CTBP2: variants seen among roughly 807,000 people sequenced by gnomAD.
CTBP2 encodes C-terminal binding protein 2, also known as C-terminal-binding protein 2.
A neutral mutation model predicts 80.3 loss-of-function variants in CTBP2; 30 were observed. The ratio of observed to expected loss-of-function variants is 0.37; its 90% confidence interval spans 0.28 to 0.51. The LOEUF (loss-of-function observed/expected upper bound fraction) is 0.51. CTBP2 is among the 20% of genes least tolerant of loss of function. CTBP2 has a pLI of 0.93. For missense variants in CTBP2, 1,212 were observed against 1,375.3 expected (o/e 0.88, Z 1.88); for synonymous variants, 594 against 587.4 (o/e 1.01, Z -0.16).
At chr10:125,132,837 G>A (rs542369341) in intron 1 of CTBP2, among the ~76,000 whole-genome samples, 45 of 152,320 alleles carry the variant, frequency 3.0e-4, no homozygotes, top group African/African-American at 1.1e-3. Context: ...GTAAACAGCA[G>A]AGTGCTATTT....
In CTBP2 at chr10:124,989,355, C is replaced by T. The variant is rs796820536; in HGVS notation, c.*163G>A. 1.2e-6 allele frequency: 1 copy of T among 808,560 alleles called. No homozygotes were observed. The highest frequency in any genetic ancestry group is 2.1e-6 in the Non-Finnish European group (1 of 480,904). The allele number at this position is 808,560 out of a possible 1,614,324, so 50.1% of individuals were successfully genotyped here. A position where few individuals can be genotyped will look rare whatever the true frequency, so the allele number is the denominator to read the frequency against. On this transcript the variant is annotated 3_prime_UTR_variant, in exon 9 of 9. Transcript: ENST00000309035. ...CAGCGCTTCCGTAAGCAGACGACATCTTCAGTTTTCTAGCTCTTGTAGTTT... is the reference window on the plus strand; with the variant it reads ...CAGCGCTTCCGTAAGCAGACGACATTTTCAGTTTTCTAGCTCTTGTAGTTT...
At chr10:125,098,657 GGAGAGAGAGAGAGAGAGAGAGA>G (rs565818097) in intron 2 of CTBP2, among the ~76,000 whole-genome samples, 74 of 44,972 alleles carry the variant, frequency 1.6e-3, no homozygotes, top group African/African-American at 5.4e-3. Context: ...TGGGGGAGGG[GGAGAGAGAGAGAGAGAGAGAGA>G]GAGAGAGAGA....
intron 1 of CTBP2, among the ~76,000 whole-genome samples, chr10:125,114,475 A>G (rs1257707253): frequency 6.6e-6 from 1 of 152,066 alleles, no homozygotes; most frequent in Non-Finnish European, 1.5e-5. Context: ...TTCCACATAT[A>G]GGAAACTCAC....
Position 124,988,799 on chromosome 10 carries a change from C to T in CTBP2, c.*719G>A, listed in dbSNP as rs1319761656. 1.3e-5 allele frequency: 2 copies of T among 152,368 alleles called. No homozygotes were observed. The highest frequency in any genetic ancestry group is 2.1e-4 in the South Asian group (1 of 4,822). The allele number at this position is 152,368 out of a possible 1,614,324, so 9.4% of individuals were successfully genotyped here. On this transcript the variant is annotated 3_prime_UTR_variant, in exon 9 of 9. Coordinates refer to ENST00000309035, the MANE Select transcript of CTBP2 (RefSeq NM_022802.3). Reference sequence around the variant, plus strand: ...TTATTCTTCTTGAACCCTTTTAGCTCAAGACTTTCCACTCAATAAAATAGC... The same window carrying T: ...TTATTCTTCTTGAACCCTTTTAGCTTAAGACTTTCCACTCAATAAAATAGC...
intron 2 of CTBP2, among the ~76,000 whole-genome samples, chr10:125,049,042 C>CACAG (rs1295410852): frequency 3.3e-5 from 2 of 61,492 alleles, no homozygotes; most frequent in African/African-American, 1.4e-4. Context: ...CCCGCCTGAC[C>CACAG]ACAGACACAC....
intron 2 of CTBP2, among the ~76,000 whole-genome samples, chr10:125,078,606 T>C (rs527683242): frequency 1.1e-3 from 169 of 152,064 alleles, no homozygotes; most frequent in Non-Finnish European, 1.8e-3. Flanking sequence ...AAGTGCTGTT[T>C]TGAGTTGACA....
chr10:125,095,546 G>T (rs758623980), intron 2 of CTBP2, among the ~76,000 whole-genome samples: 15 of 152,198 alleles, frequency 9.9e-5, no homozygotes, highest in Admixed American at 7.2e-4. Flanking sequence ...GAAAAGACAA[G>T]AACAGCCACT....
intron 2 of CTBP2, among the ~76,000 whole-genome samples, chr10:125,083,327 C>T (rs1330577217): frequency 2.6e-5 from 4 of 152,282 alleles, no homozygotes; most frequent in Middle Eastern, 3.4e-3. Context: ...AAGAGTCTCC[C>T]TGTCGTGCCA....
At chr10:125,011,457 G>A (rs564299182) in intron 1 of CTBP2, among the ~76,000 whole-genome samples, 31 of 152,332 alleles carry the variant, frequency 2.0e-4, no homozygotes, top group African/African-American at 7.5e-4. Flanking sequence ...GCAGTCTGAT[G>A]CTCCCCAGAG....
At chr10:125,077,205 G>A (rs995102277) in intron 2 of CTBP2, among the ~76,000 whole-genome samples, 7 of 152,206 alleles carry the variant, frequency 4.6e-5, no homozygotes, top group Non-Finnish European at 7.3e-5. Context: ...GCTATTGTAA[G>A]CGGAAAACAA....
chr10:125,094,853 T>C (rs1460885975), intron 2 of CTBP2, among the ~76,000 whole-genome samples: 1 of 142,824 alleles, frequency 7.0e-6, no homozygotes, highest in East Asian at 2.1e-4. Flanking sequence ...CTGGGGCTGA[T>C]TACCGGCAAT....
At chr10:125,002,409 G>A (rs1954654114) in intron 3 of CTBP2, among the ~76,000 whole-genome samples, 5 of 152,228 alleles carry the variant, frequency 3.3e-5, no homozygotes, top group Admixed American at 3.3e-4. Context: ...CCCGCCTGCT[G>A]CCTCTGCTTT....
chr10:125,102,970 G>T (rs979856607), intron 2 of CTBP2, among the ~76,000 whole-genome samples: 1 of 152,190 alleles, frequency 6.6e-6, no homozygotes. Flanking sequence ...CACAGGTGGC[G>T]GGAGAGTACA....
chr10:124,989,672 G>A lies in CTBP2; in HGVS notation c.2804C>T (p.Ala935Val). ...CATGGCTGCAGGAAGTCCTCCTGGA[G>A]CCACACCCACGATGCCTGGCGGATA... Residue 935 changes from alanine to valine, a missense_variant, in exon 9 of 9, where the codon GCT becomes GTT. Coordinates refer to ENST00000309035, the MANE Select transcript of CTBP2 (RefSeq NM_022802.3). 6.3e-7 allele frequency: 1 copy of A among 1,597,274 alleles called. No homozygotes were observed. The highest frequency in any genetic ancestry group is 8.5e-7 in the Non-Finnish European group (1 of 1,171,042).
chr10:125,098,748 G>C (rs988953018), intron 2 of CTBP2, among the ~76,000 whole-genome samples: 10 of 113,014 alleles, frequency 8.8e-5, no homozygotes, highest in Admixed American at 2.6e-4. Flanking sequence ...GAGAGAGAGA[G>C]ACAGAGAGAG....
intron 4 of CTBP2, among the ~76,000 whole-genome samples, chr10:124,994,962 A>G (rs1036861504): frequency 3.9e-5 from 6 of 152,214 alleles, no homozygotes; most frequent in South Asian, 2.1e-4. Context: ...CTTGTTATTG[A>G]CATTTTCAAA....
chr10:125,014,210 G>A (rs914586236), intron 1 of CTBP2, among the ~76,000 whole-genome samples: 12 of 152,176 alleles, frequency 7.9e-5, no homozygotes, highest in African/African-American at 2.7e-4. Context: ...TCCTCCTCAC[G>A]GTGTCCTATT....
At chr10:125,015,638 G>A (rs1360885209) in intron 1 of CTBP2, among the ~76,000 whole-genome samples, 1 of 152,242 alleles carries the variant, frequency 6.6e-6, no homozygotes, top group African/African-American at 2.4e-5. Flanking sequence ...TGGCCTCAGT[G>A]CTCCCCGAAG....
chr10:125,004,974 C>T (rs1218186776), intron 1 of CTBP2, among the ~76,000 whole-genome samples: 5 of 152,288 alleles, frequency 3.3e-5, no homozygotes, highest in South Asian at 2.1e-4. Context: ...TTGGTGGGGA[C>T]GATGACTGGG....
Sources: gnomAD v4.1 joint callset for allele counts (sites outside exome capture counted in the v4.1 genomes callset) on GRCh38, gnomAD v4.1.1 for gene constraint, MANE v1.5 for transcripts, NCBI Gene and HGNC (gene_info 2026-07-23, HGNC 2026-07-21) for gene names.